Variants in GLT8D2 observed in about 807,000 individuals in gnomAD.
The protein encoded by GLT8D2 is glycosyltransferase 8 domain containing 2, also known as glycosyltransferase 8 domain-containing protein 2.
A neutral mutation model predicts 44.5 loss-of-function variants in GLT8D2; 45 were observed. That is an observed-to-expected ratio of 1.01 (90% CI 0.80 to 1.30). The LOEUF (loss-of-function observed/expected upper bound fraction) is 1.30. GLT8D2 is among the 50% of genes most tolerant of loss of function. GLT8D2 has a pLI of 0.00. For synonymous variants in GLT8D2, 156 were observed against 157.2 expected (o/e 0.99, Z 0.06); for missense variants, 400 against 430.4 (o/e 0.93, Z 0.62).
intron 4 of GLT8D2, among the ~76,000 whole-genome samples, chr12:104,010,380 T>C (rs931190292): frequency 2.0e-5 from 3 of 152,258 alleles, no homozygotes; most frequent in Admixed American, 1.3e-4. Flanking sequence ...TCTGCATGGC[T>C]AACCCTTACA....
chr12:104,015,017 G>C lies in GLT8D2; in HGVS notation c.108C>G (p.Asp36Glu), dbSNP rs148930753. Residue 36 changes from aspartate (D) to glutamate (E), a missense_variant, in exon 4 of 11, where the codon GAC becomes GAG. Physicochemically the swap from Asp to Glu is conservative, Grantham distance 45. Coordinates refer to ENST00000360814, the MANE Select transcript of GLT8D2 (RefSeq NM_001384711.1). ...ATGAATTCCATGTCTGCTCACCTGC[G>C]TCATTCTTGGGCACAGTCCCCTTAT... ...KVHKGTVPKN[D>E]ADDESETPEE... The C allele has an allele frequency of 2.5e-6, 4 of 1,608,464 alleles. No homozygotes were observed. The highest frequency in any genetic ancestry group is 2.6e-6 in the Non-Finnish European group (3 of 1,175,154).
chr12:104,047,192 A>G (rs1335518926), intron 1 of GLT8D2, among the ~76,000 whole-genome samples: 1 of 152,152 alleles, frequency 6.6e-6, no homozygotes, highest in Non-Finnish European at 1.5e-5. Flanking sequence ...GAGAAGCCCA[A>G]GATCAAGGTG....
chr12:103,999,125 AC>A (rs1873873831), intron 6 of GLT8D2, among the ~76,000 whole-genome samples: 1 of 151,710 alleles, frequency 6.6e-6, no homozygotes, highest in African/African-American at 2.4e-5. Context: ...TCCAGCTCCC[AC>A]CCCCACAGAC....
intron 4 of GLT8D2, among the ~76,000 whole-genome samples, chr12:104,009,489 C>T (rs1208643294): frequency 6.6e-6 from 1 of 152,226 alleles, no homozygotes; most frequent in Non-Finnish European, 1.5e-5. Context: ...TTTACAGGCT[C>T]ATAGGCAGAA....
chr12:104,021,768 G>A (rs1877672504), intron 1 of GLT8D2, among the ~76,000 whole-genome samples: 1 of 149,408 alleles, frequency 6.7e-6, no homozygotes, highest in South Asian at 2.1e-4. Flanking sequence ...GGGAGACAGA[G>A]CAAAACCCTG....
In GLT8D2 at chr12:104,016,664, AAG is replaced by A. The variant is rs1158869447; in HGVS notation, c.20-1561_20-1560del. Among the ~76,000 whole-genome samples the A allele has an allele frequency of 3.3e-4, 42 of 128,334 alleles. 1 individual carries two copies. Among genetic ancestry groups the A allele is most frequent in the Middle Eastern group, 3.6e-3 (1 of 280 alleles). 84.2% of individuals were successfully genotyped at this position (128,334 alleles called of 152,430 possible). A position where few individuals can be genotyped will look rare whatever the true frequency, so the allele number is the denominator to read the frequency against. On this transcript the variant is annotated intron_variant, in intron 3 of 10. Transcript: ENST00000360814. ...AAAGAAGGAGAGAAAGAAAGAAAGA[AAG>A]AGAGAGAGAGAGAAAGAAAAGAAAG...
In GLT8D2 at chr12:104,019,755, T is replaced by G. The variant is rs558999745; in HGVS notation, c.-28-79A>C. ...TCAACAAGTGTTAAGGACTATGCCT[T>G]CCCTGAAAGACTGATATATCGTGAA... is the stretch of plus-strand genomic sequence containing the variant. On this transcript the variant is annotated intron_variant, in intron 2 of 10. Coordinates refer to ENST00000360814, the MANE Select transcript of GLT8D2 (RefSeq NM_001384711.1). The G allele has an allele frequency of 3.5e-6, 3 of 860,012 alleles. No homozygotes were observed. The South Asian group carries it at 4.7e-5, about 14-fold the overall frequency. The allele number at this position is 860,012 out of a possible 1,614,324, so 53.3% of individuals were successfully genotyped here. A position where few individuals can be genotyped will look rare whatever the true frequency, so the allele number is the denominator to read the frequency against.
chr12:104,046,920 G>C (rs1165434090), intron 1 of GLT8D2, among the ~76,000 whole-genome samples: 1 of 151,974 alleles, frequency 6.6e-6, no homozygotes, highest in African/African-American at 2.4e-5. Context: ...GAATTCCTGG[G>C]CTCAAGCTGT....
At chr12:104,033,772 A>ATGTG (rs200277363) in intron 1 of GLT8D2, among the ~76,000 whole-genome samples, 1 of 145,598 alleles carries the variant, frequency 6.9e-6, no homozygotes, top group South Asian at 2.2e-4. Context: ...ATATATATAT[A>ATGTG]TGTGTGTGTG....
At chr12:104,053,612 C>T (rs577317964), upstream of GLT8D2, among the ~76,000 whole-genome samples, 89 of 152,278 alleles carry the variant, frequency 5.8e-4, no homozygotes, top group African/African-American at 1.9e-3. Flanking sequence ...TAGCCGGGCG[C>T]GGTGGCTCAC....
At chr12:104,030,711 T>C (rs1879140358) in intron 1 of GLT8D2, 45 of 1,608,890 alleles carry the variant, frequency 2.8e-5, no homozygotes, top group Middle Eastern at 4.4e-4. Flanking sequence ...AATAACTTGA[T>C]TTAAAAATAG....
At chr12:103,997,641 G>A in intron 6 of GLT8D2, 106 bp from the exon 7 acceptor site, 1 of 756,542 alleles carries the variant, frequency 1.3e-6, no homozygotes, top group South Asian at 1.5e-5. Flanking sequence ...CTCAGCTCCA[G>A]GTTTGGAGCG....
At chr12:104,051,897 G>C (rs1881760498), upstream of GLT8D2, among the ~76,000 whole-genome samples, 2 of 151,826 alleles carry the variant, frequency 1.3e-5, no homozygotes, top group African/African-American at 2.4e-5. Context: ...TAAGGTAATG[G>C]ATATCCCAGT....
intron 1 of GLT8D2, among the ~76,000 whole-genome samples, chr12:104,036,279 C>T (rs1345831493): frequency 6.6e-6 from 1 of 152,184 alleles, no homozygotes; most frequent in East Asian, 1.9e-4. Context: ...CAACTAACAT[C>T]ATAATGACAG....
In GLT8D2 at chr12:103,989,505, T is replaced by C; in HGVS notation, c.953A>G (p.His318Arg). Reference protein sequence around the residue: ...EAKLLHWNGRHKPWDFPSVHN... With the variant: ...EAKLLHWNGRRKPWDFPSVHN... ...AACACTAGGGAAGTCCCAAGGTTTA[T>C]GTCTTCCATTCCAGTGGAGTAATTT... Residue 318 changes from histidine to arginine, a missense_variant, in exon 11 of 11, where the codon CAT (histidine) becomes CGT (arginine). Physicochemically the swap from His to Arg is conservative, Grantham distance 29. Transcript: ENST00000360814. The C allele has an allele frequency of 6.2e-7, 1 of 1,613,604 alleles. No individual in the cohort carries two copies. The highest frequency in any genetic ancestry group is 8.5e-7 in the Non-Finnish European group (1 of 1,179,584).
intron 4 of GLT8D2, among the ~76,000 whole-genome samples, chr12:104,005,195 C>T (rs1874818806): frequency 6.6e-6 from 1 of 152,202 alleles, no homozygotes; most frequent in Non-Finnish European, 1.5e-5. Flanking sequence ...AAAGCTAAAA[C>T]TGGACCCCTT....
At chr12:104,014,852 C>T (rs1234256864) in intron 4 of GLT8D2, among the ~76,000 whole-genome samples, 161 bp downstream of exon 4, 6 of 152,174 alleles carry the variant, frequency 3.9e-5, no homozygotes, top group Admixed American at 2.6e-4. Flanking sequence ...TCCTAGGGCA[C>T]GACTGAAAAG....
At chr12:104,004,916 A>G (rs931387612) in intron 4 of GLT8D2, among the ~76,000 whole-genome samples, 5 of 152,212 alleles carry the variant, frequency 3.3e-5, no homozygotes, top group Admixed American at 2.0e-4. Context: ...AAGAGCCCGC[A>G]TCGCCAAGTC....
intron 1 of GLT8D2, among the ~76,000 whole-genome samples, chr12:104,041,599 A>C (rs558226429): frequency 3.9e-5 from 6 of 152,172 alleles, no homozygotes; most frequent in Non-Finnish European, 7.4e-5. Context: ...ACAACAACAA[A>C]GCTAAGATGG....
Sources: allele counts gnomAD v4.1 joint callset (sites outside exome capture counted in the v4.1 genomes callset), GRCh38; gene constraint gnomAD v4.1.1; transcripts MANE v1.5; gene names NCBI Gene and HGNC (gene_info 2026-07-23, HGNC 2026-07-21).